INTS13: variants seen among roughly 807,000 people sequenced by gnomAD.
INTS13 encodes the protein asunder, spermatogenesis regulator homolog (Drosphila).
INTS13 carries 35 observed loss-of-function variants against 90.2 expected under a neutral mutation model. The observed-to-expected ratio is 0.39, with a 90% CI of 0.30 to 0.51. The LOEUF (loss-of-function observed/expected upper bound fraction) is 0.51, where lower values mean the gene tolerates loss of function less well. INTS13 is among the 20% of genes least tolerant of loss of function. The pLI is 0.80. For missense variants in INTS13, 601 were observed against 851.2 expected, an observed-to-expected ratio of 0.71 and a Z score of 3.66; for synonymous variants, 309 against 277.1, an observed-to-expected ratio of 1.11 and a Z score of -1.14.
At chr12:26,927,198 T>C (rs1937924022) in intron 5 of INTS13, among the ~76,000 whole-genome samples, 1 of 152,194 alleles carries the variant, frequency 6.6e-6, no homozygotes, top group African/African-American at 2.4e-5. Flanking sequence ...AACAAAGTAT[T>C]GAACATGAGG....
chr12:26,927,703 C>T (rs991622142), intron 5 of INTS13, among the ~76,000 whole-genome samples: 3 of 152,092 alleles, frequency 2.0e-5, no homozygotes, highest in African/African-American at 7.2e-5. Flanking sequence ...GCAACCTCTG[C>T]CTCCCAGGCT....
intron 1 of INTS13, among the ~76,000 whole-genome samples, chr12:26,937,500 AAAACTTTTT>A (rs1352083038): frequency 2.0e-5 from 3 of 152,192 alleles, no homozygotes; most frequent in Non-Finnish European, 4.4e-5. Flanking sequence ...TAAAACTTTT[AAAACTTTTT>A]CTTATTAAAA....
intron 6 of INTS13, among the ~76,000 whole-genome samples, chr12:26,925,435 C>T (rs571879803): frequency 6.6e-6 from 1 of 151,884 alleles, no homozygotes; most frequent in African/African-American, 2.4e-5. Flanking sequence ...GAGTGTATTG[C>T]TTTTCTAATA....
At position 26,934,618 on chromosome 12, in the gene INTS13, C is replaced by A; in HGVS notation, c.238G>T (p.Val80Leu). Residue 80 changes from valine (V) to leucine (L), a missense_variant, in exon 3 of 17, where the codon GTG becomes TTG. Transcript: ENST00000261191. The part of the protein sequence containing the change: ...FPFKKLVNFI[V>L]SDSGAHVLNS... ...AAAACATGTGCTCCAGAGTCACTCA[C>A]AATAAAATTCACCTAATAGATTCCA... The A allele has an allele frequency of 1.2e-6, 2 of 1,612,314 alleles. No homozygotes were observed. Among genetic ancestry groups the A allele is most frequent in the Non-Finnish European group, 1.7e-6 (2 of 1,178,634 alleles).
At chr12:26,935,245 T>G (rs1414035274) in intron 2 of INTS13, among the ~76,000 whole-genome samples, 1 of 152,164 alleles carries the variant, frequency 6.6e-6, no homozygotes, top group Non-Finnish European at 1.5e-5. Context: ...AAAATGCAAA[T>G]TTGAAAATTT....
chr12:26,907,303 A>C lies in INTS13; in HGVS notation c.1946-866T>G, dbSNP rs549370971. On this transcript the variant is annotated intron_variant, in intron 15 of 16. Transcript: ENST00000261191. ...AATATAAAAGAGAATCCAGAAGCAG[A>C]TCCCACATACATAGTCAACTAATTT... Among the ~76,000 whole-genome samples, 131 of 152,164 alleles carry C rather than the reference A, an allele frequency of 8.6e-4. 1 individual carries two copies. The highest frequency in any genetic ancestry group is 3.0e-3 in the African/African-American group (125 of 41,540).
At chr12:26,914,255 C>A in intron 12 of INTS13, 127 bp from the exon 13 acceptor site, 1 of 1,182,418 alleles carries the variant, frequency 8.5e-7, no homozygotes, top group Non-Finnish European at 1.2e-6. Flanking sequence ...ATAACTATCA[C>A]TTCAATTTTT....
chr12:26,932,233 A>G (rs1033655322), intron 3 of INTS13, among the ~76,000 whole-genome samples: 1 of 152,240 alleles, frequency 6.6e-6, no homozygotes, highest in Non-Finnish European at 1.5e-5. Flanking sequence ...GATGAACTTA[A>G]TAGGACTGAA....
intron 7 of INTS13, among the ~76,000 whole-genome samples, chr12:26,923,200 GT>G (rs1196064943): frequency 6.6e-6 from 1 of 152,072 alleles, no homozygotes; most frequent in Non-Finnish European, 1.5e-5. Context: ...AACATTATCT[GT>G]TTACCAAAAA....
chr12:26,914,565 A>C lies in INTS13; in HGVS notation c.1262T>G (p.Phe421Cys). ...AGGAGTTAATCTGTTTTCCCTCATA[A>C]ATTCACCAAAATCCTAATGATAACC... ...TDYRITDFGE[F>C]MRENRLTPFL... is the part of the protein sequence containing the mutation. Residue 421 changes from phenylalanine to cysteine, a missense_variant, in exon 12 of 17, where the codon TTT (phenylalanine) becomes TGT (cysteine). This residue lies in a region of INTS13 where 89 missense variants were observed against 191.0 expected (regional missense o/e 0.47). Transcript: ENST00000261191. 1.2e-6 allele frequency: 2 copies of C among 1,610,250 alleles called. No individual in the cohort carries two copies. The highest frequency in any genetic ancestry group is 1.3e-5 in the African/African-American group (1 of 74,838).
At chr12:26,915,178 A>AT (rs1253214285) in intron 11 of INTS13, among the ~76,000 whole-genome samples, 1 of 152,166 alleles carries the variant, frequency 6.6e-6, no homozygotes, top group African/African-American at 2.4e-5. Context: ...GTGAGCCAAG[A>AT]TTGCGCCACT....
intron 8 of INTS13, chr12:26,919,198 AG>A (rs1375279990): frequency 1.3e-5 from 2 of 157,102 alleles, no homozygotes; most frequent in African/African-American, 4.8e-5. Flanking sequence ...AAAAAAAAAA[AG>A]AAGAAGAAAT....
chr12:26,925,610 C>T (rs1416084558), intron 6 of INTS13, 151 bp downstream of exon 6: 1 of 594,696 alleles, frequency 1.7e-6, no homozygotes, highest in Non-Finnish European at 2.8e-6. Context: ...AAAGAACCAA[C>T]CTAGATGTCT....
rs750488490 is a variant in INTS13, at chr12:26,911,231, T to C, written c.1892A>G (p.Asn631Ser). 1.2e-6 allele frequency: 2 copies of C among 1,614,072 alleles called. No homozygotes were observed. Among genetic ancestry groups the C allele is most frequent in the South Asian group, 2.2e-5 (2 of 91,070 alleles). ...ATCCATTTCAACAAGGGGTTTTTTG[T>C]TTGGAGGTTCTGGGGAATCAGGCGA... is the stretch of plus-strand genomic sequence containing the variant. ...KDSPDSPEPP[N>S]KKPLVEMDET... The change falls in exon 15 of 17, where the codon AAC becomes AGC. Residue 631 changes from asparagine (N) to serine (S), a missense_variant. By Grantham distance (46) the Asn-to-Ser change is conservative (BLOSUM62 1). Transcript: ENST00000261191.
chr12:26,917,771 A>C (rs988715729), intron 8 of INTS13, 38 bp from the exon 9 acceptor site: 1 of 1,379,444 alleles, frequency 7.2e-7, no homozygotes, highest in African/African-American at 1.4e-5. Flanking sequence ...CATTGTATAC[A>C]TGTATCAAAA....
chr12:26,909,737 A>G (rs567240523), intron 15 of INTS13, among the ~76,000 whole-genome samples: 1 of 152,250 alleles, frequency 6.6e-6, no homozygotes, highest in African/African-American at 2.4e-5. Flanking sequence ...AATGCCTGAA[A>G]GGCAAATATA....
chr12:26,938,083 A>C (rs1938581013), upstream of INTS13: 1 of 152,592 alleles, frequency 6.6e-6, no homozygotes, highest in Non-Finnish European at 1.5e-5. Flanking sequence ...TCGTAGGGCC[A>C]GGCGTCCCAG....
At chr12:26,908,254 G>C (rs1285803400) in intron 15 of INTS13, among the ~76,000 whole-genome samples, 1 of 152,134 alleles carries the variant, frequency 6.6e-6, no homozygotes, top group East Asian at 1.9e-4. Flanking sequence ...TCAATATGAG[G>C]AAATCTTTTG....
At chr12:26,925,672 T>C in intron 6 of INTS13, 89 bp downstream of exon 6, 1 of 1,070,402 alleles carries the variant, frequency 9.3e-7, no homozygotes, top group South Asian at 1.6e-5. Flanking sequence ...GCAGAAAATA[T>C]TGGCAATGGA....
Sources: allele counts gnomAD v4.1 joint callset (sites outside exome capture counted in the v4.1 genomes callset), GRCh38; gene constraint gnomAD v4.1.1; regional missense constraint gnomAD v4.1.1; transcripts MANE v1.5; gene names NCBI Gene and HGNC (gene_info 2026-07-23, HGNC 2026-07-21).